DGKE: variants seen among roughly 807,000 people sequenced by gnomAD.
DGKE encodes DAG kinase epsilon.
Under a neutral mutation model 70.0 loss-of-function variants are expected in DGKE, and 53 were observed. That is an observed-to-expected ratio of 0.76 (90% CI 0.61 to 0.95). DGKE has a LOEUF of 0.95. DGKE is among the 40% of genes least tolerant of loss of function. The pLI is 0.00. For synonymous variants in DGKE, 291 were observed against 257.0 expected (o/e 1.13, Z -1.27); for missense variants, 655 against 706.9 (o/e 0.93, Z 0.83).
At chr17:56,856,689 A>G (rs937505977) in intron 8 of DGKE, 64 bp downstream of exon 8, 7 of 1,527,992 alleles carry the variant, frequency 4.6e-6, no homozygotes, top group East Asian at 2.4e-5. Flanking sequence ...CAATAGTTCA[A>G]TTATATTTAG....
At position 56,863,984 on chromosome 17, in the gene DGKE, T is replaced by C. The variant is rs1908427945; in HGVS notation, c.*1193T>C. On this transcript the variant is annotated 3_prime_UTR_variant, in exon 12 of 12. Coordinates refer to ENST00000284061, the MANE Select transcript of DGKE (RefSeq NM_003647.3). ...CTCCTGACAGAAATCTAGATATTCTTATTCTTCACAAATATTCCTCATTGT... is the reference window on the plus strand; with the variant it reads ...CTCCTGACAGAAATCTAGATATTCTCATTCTTCACAAATATTCCTCATTGT... The C allele has an allele frequency of 6.6e-6, 1 of 152,246 alleles. No homozygotes were observed. Among genetic ancestry groups the C allele is most frequent in the African/African-American group, 2.4e-5 (1 of 41,468 alleles). 9.4% of individuals were successfully genotyped at this position (152,246 alleles called of 1,614,324 possible).
chr17:56,835,927 T>C (rs563626097), intron 2 of DGKE: 1 of 152,280 alleles, frequency 6.6e-6, no homozygotes, highest in Admixed American at 6.5e-5. Context: ...TAGGTGAAGA[T>C]GTCCTTTGCT....
chr17:56,835,350 T>C, intron 2 of DGKE, 91 bp downstream of exon 2: 1 of 1,315,280 alleles, frequency 7.6e-7, no homozygotes, highest in Non-Finnish European at 1.0e-6. Flanking sequence ...TAATCTCTGC[T>C]GATGACCTAA....
At chr17:56,834,678 A>G in intron 1 of DGKE, 100 bp from the exon 2 acceptor site, 1 of 1,117,822 alleles carries the variant, frequency 8.9e-7, no homozygotes, top group Admixed American at 2.3e-5. Context: ...GAGCGGAGCC[A>G]CCTTCACTGA....
intron 2 of DGKE, 83 bp downstream of exon 2, chr17:56,835,342 ATCTC>A (rs1175831506): frequency 2.2e-6 from 3 of 1,358,720 alleles, no homozygotes; most frequent in Non-Finnish European, 3.0e-6. Context: ...GCCTGCTTTA[ATCTC>A]TGCTGATGAC....
At chr17:56,840,126 T>C (rs779820859) in intron 2 of DGKE, among the ~76,000 whole-genome samples, 7 of 152,138 alleles carry the variant, frequency 4.6e-5, no homozygotes, top group Admixed American at 2.6e-4. Flanking sequence ...ATCGCGCCAT[T>C]GCACTCCAGT....
Position 56,862,757 on chromosome 17 carries a change from C to G in DGKE, c.1670C>G (p.Thr557Ser), listed in dbSNP as rs1908370470. 1.3e-6 allele frequency: 2 copies of G among 1,591,138 alleles called. No individual in the cohort carries two copies. Among genetic ancestry groups the G allele is most frequent in the Non-Finnish European group, 8.5e-7 (1 of 1,173,580 alleles). ...GEQTDDDISS[T>S]SDQEDIKATE is the part of the protein sequence containing the mutation. ...CAAACAGATGATGACATCTCTAGTACTTCGGATCAAGAAGATATAAAGGCG... is the reference window on the plus strand; with the variant it reads ...CAAACAGATGATGACATCTCTAGTAGTTCGGATCAAGAAGATATAAAGGCG... Residue 557 changes from threonine to serine, a missense_variant, in exon 12 of 12, where the codon ACT becomes AGT. By Grantham distance (58) the Thr-to-Ser change is moderately conservative. Transcript: ENST00000284061.
At position 56,848,833 on chromosome 17, in the gene DGKE, A is replaced by C; in HGVS notation, c.1026A>C (p.Ala342=). ...VAQVLRNVME[A]DGIKLDRWKV... is the part of the protein sequence containing the mutation. ...AGGTTTTGCGAAATGTAATGGAAGC[A>C]GATGGAATTAAACTAGATCGGTAAG... Residue 342 remains alanine (A), a synonymous_variant, in exon 6 of 12, where the codon GCA becomes GCC. Transcript: ENST00000284061. 1 of 1,614,226 alleles carries C rather than the reference A, an allele frequency of 6.2e-7. No homozygotes were observed. Among genetic ancestry groups the C allele is most frequent in the Non-Finnish European group, 8.5e-7 (1 of 1,180,026 alleles).
chr17:56,843,886 A>G lies in DGKE; in HGVS notation c.465-133A>G. On this transcript the variant is annotated intron_variant, in intron 2 of 11. Transcript: ENST00000284061. ...ATTTCACTGTGCAGATAGTGCATAT[A>G]TTTTATTTGCCAAATGTTATGGTAA... The G allele has an allele frequency of 5.9e-6, 5 of 852,432 alleles. No individual in the cohort carries two copies. The Admixed American group carries it at 2.0e-4, about 35-fold the overall frequency. The allele number at this position is 852,432 out of a possible 1,614,324, so 52.8% of individuals were successfully genotyped here. A position where few individuals can be genotyped will look rare whatever the true frequency, so the allele number is the denominator to read the frequency against.
In DGKE at chr17:56,848,677, C is replaced by T; in HGVS notation, c.889-19C>T. On this transcript the variant is annotated intron_variant, in intron 5 of 11. Transcript: ENST00000284061. ...AATAGTCTGAGAGAAAAATCTAAAA[C>T]ATATCTTCCATATTCTAGGGACAAG... The T allele has an allele frequency of 6.2e-7, 1 of 1,607,214 alleles. No individual in the cohort carries two copies. Among genetic ancestry groups the T allele is most frequent in the Non-Finnish European group, 8.5e-7 (1 of 1,175,904 alleles).
rs901652511 is a variant in DGKE at position 56,869,103 on chromosome 17, A to G, written c.*6312A>G. Reference sequence around the variant, plus strand: ...TCTGTAAGAATGGGAATTAATGCCCACCTACGGGTTGCAAGTGCTTACAGG... The same window carrying G: ...TCTGTAAGAATGGGAATTAATGCCCGCCTACGGGTTGCAAGTGCTTACAGG... On this transcript the variant is annotated 3_prime_UTR_variant, in exon 12 of 12. Transcript: ENST00000284061. 3 of 152,196 alleles carry G rather than the reference A, an allele frequency of 2.0e-5. No homozygotes were observed. Among genetic ancestry groups the G allele is most frequent in the African/African-American group, 7.2e-5 (3 of 41,448 alleles). The allele number at this position is 152,196 out of a possible 1,614,324, so 9.4% of individuals were successfully genotyped here. A position where few individuals can be genotyped will look rare whatever the true frequency, so the allele number is the denominator to read the frequency against.
chr17:56,837,378 A>AT (rs1476773419), intron 2 of DGKE, among the ~76,000 whole-genome samples: 2 of 152,164 alleles, frequency 1.3e-5, no homozygotes, highest in African/African-American at 2.4e-5. Flanking sequence ...CCGTCTCTTA[A>AT]TTTTGTATCC....
rs769882986 is a variant in DGKE, at chr17:56,835,007, C to T, written c.212C>T (p.Pro71Leu). The change falls in exon 2 of 12, where the codon CCC (proline) becomes CTC (leucine). Residue 71 changes from proline (P) to leucine (L), a missense_variant. By Grantham distance (98) the Pro-to-Leu change is moderately conservative. Coordinates refer to ENST00000284061, the MANE Select transcript of DGKE (RefSeq NM_003647.3). ...CGCGACACGGACCTGTTCAGCCAGC[C>T]CACCTACTGCTGCGTGTGCGCGCAG... ...GWRDTDLFSQPTYCCVCAQHI... is the reference protein window; with the variant it reads ...GWRDTDLFSQLTYCCVCAQHI... The T allele has an allele frequency of 6.2e-7, 1 of 1,612,790 alleles. No homozygotes were observed. The highest frequency in any genetic ancestry group is 8.5e-7 in the Non-Finnish European group (1 of 1,180,012).
In DGKE at chr17:56,864,998, C is replaced by T. The variant is rs1908475375; in HGVS notation, c.*2207C>T. On this transcript the variant is annotated 3_prime_UTR_variant, in exon 12 of 12. Transcript: ENST00000284061. Reference sequence around the variant, plus strand: ...GTCTGTCATGAAGTTTTTCTGCTGGCTTATTCACTTATTTAGACTTCATTT... The same window carrying T: ...GTCTGTCATGAAGTTTTTCTGCTGGTTTATTCACTTATTTAGACTTCATTT... The T allele has an allele frequency of 6.6e-6, 1 of 152,072 alleles. No individual in the cohort carries two copies. Among genetic ancestry groups the T allele is most frequent in the Non-Finnish European group, 1.5e-5 (1 of 67,970 alleles). 9.4% of individuals were successfully genotyped at this position (152,072 alleles called of 1,614,324 possible).
At chr17:56,855,782 A>G (rs1379017383) in intron 7 of DGKE, among the ~76,000 whole-genome samples, 2 of 152,028 alleles carry the variant, frequency 1.3e-5, no homozygotes, top group East Asian at 3.9e-4. Context: ...GAGGCAGGCG[A>G]ATCACGAGGT....
At chr17:56,846,761 AT>A (rs1567814718) in intron 4 of DGKE, among the ~76,000 whole-genome samples, 1 of 152,194 alleles carries the variant, frequency 6.6e-6, no homozygotes, top group Admixed American at 6.5e-5. Context: ...ATTATAAAAA[AT>A]ACAGAGAAAA....
chr17:56,862,690 A>T lies in DGKE; in HGVS notation c.1603A>T (p.Thr535Ser), dbSNP rs200594428. The change falls in exon 12 of 12, where the codon ACT (threonine) becomes TCT (serine). Residue 535 changes from threonine to serine, a missense_variant. Transcript: ENST00000284061. ...CCAAGGGCCCTGCACTGTCACCATA[A>T]CTCACAAGACACATGCAATGATGTT... ...WAQGPCTVTI[T>S]HKTHAMMLYF... The T allele has an allele frequency of 6.8e-6, 11 of 1,611,152 alleles. No homozygotes were observed. In the East Asian group the frequency reaches 2.2e-4, roughly 33 times the overall value.
rs1015775176 is a variant in DGKE, at chr17:56,863,005, A to G, written c.*214A>G. 5 of 418,778 alleles carry G rather than the reference A, an allele frequency of 1.2e-5. No individual in the cohort carries two copies. The highest frequency in any genetic ancestry group is 1.0e-4 in the African/African-American group (5 of 48,420). The allele number at this position is 418,778 out of a possible 1,614,324, so 25.9% of individuals were successfully genotyped here. On this transcript the variant is annotated 3_prime_UTR_variant, in exon 12 of 12. Coordinates refer to ENST00000284061, the MANE Select transcript of DGKE (RefSeq NM_003647.3). Reference sequence around the variant, plus strand: ...TTTTTCAGCAAAATACTTCAAATGAATAGTATTAACTTACAAAAAGTCACA... The same window carrying G: ...TTTTTCAGCAAAATACTTCAAATGAGTAGTATTAACTTACAAAAAGTCACA...
chr17:56,864,538 T>G lies in DGKE; in HGVS notation c.*1747T>G, dbSNP rs1416263290. 2.0e-5 allele frequency: 3 copies of G among 152,092 alleles called. No individual in the cohort carries two copies. Among genetic ancestry groups the G allele is most frequent in the African/African-American group, 7.2e-5 (3 of 41,406 alleles). 9.4% of individuals were successfully genotyped at this position (152,092 alleles called of 1,614,324 possible). On this transcript the variant is annotated 3_prime_UTR_variant, in exon 12 of 12. Transcript: ENST00000284061. ...TTTGTGAGCAGATCTGTTTTCAGCT[T>G]CTTTATATACCTTTCATGGTAAGTA...
Sources: gnomAD v4.1 joint callset for allele counts (sites outside exome capture counted in the v4.1 genomes callset) on GRCh38, gnomAD v4.1.1 for gene constraint, MANE v1.5 for transcripts, NCBI Gene and HGNC (gene_info 2026-07-23, HGNC 2026-07-21) for gene names.